TMEM59: variants seen among roughly 807,000 people sequenced by gnomAD.
TMEM59 encodes the protein dendritic cell factor 1.
TMEM59 carries 44 observed loss-of-function variants against 42.2 expected under a neutral mutation model. The ratio of observed to expected loss-of-function variants is 1.04; its 90% CI spans 0.82 to 1.34. The LOEUF (loss-of-function observed/expected upper bound fraction) is 1.34, where lower values mean the gene tolerates loss of function less well. Among genes scored for constraint, TMEM59 ranks in the 40% most tolerant of loss-of-function variants. TMEM59 has a pLI of 0.00. For synonymous variants in TMEM59, 148 were observed against 145.8 expected (o/e 1.02, Z -0.11); for missense variants, 359 against 382.8 (o/e 0.94, Z 0.52).
At chr1:54,046,598 G>A (rs998737374) in intron 2 of TMEM59, among the ~76,000 whole-genome samples, 6 of 152,142 alleles carry the variant, frequency 3.9e-5, no homozygotes, top group African/African-American at 1.4e-4. Flanking sequence ...AGACTAAGCC[G>A]CAAAAATACG....
rs777537013 is a variant in TMEM59 at position 54,032,182 on chromosome 1, TAGGTAG to T, written c.934_939del (p.Leu312_Pro313del). On this transcript the variant is annotated inframe_deletion, in exon 8 of 8. Coordinates refer to ENST00000234831, the MANE Select transcript of TMEM59 (RefSeq NM_004872.5). ...TCAGAATGAGCAAGATTCACTTTTG[TAGGTAG>T]AGGCCCTGCTTCTTCATGATCTTCA... 6.2e-7 allele frequency: 1 copy of T among 1,611,516 alleles called. No individual in the cohort carries two copies. Among genetic ancestry groups the T allele is most frequent in the African/African-American group, 1.3e-5 (1 of 74,824 alleles).
chr1:54,053,386 T>A (rs942959964), upstream of TMEM59: 1 of 630,328 alleles, frequency 1.6e-6, no homozygotes, highest in African/African-American at 1.8e-5. Flanking sequence ...TCTCCTAGGC[T>A]GGCGTGAGGA....
intron 4 of TMEM59, among the ~76,000 whole-genome samples, chr1:54,043,025 T>C (rs1352889341): frequency 6.6e-6 from 1 of 152,224 alleles, no homozygotes; most frequent in Non-Finnish European, 1.5e-5. Context: ...TTTTATCTGA[T>C]ATCCATATGT....
chr1:54,041,866 G>T, intron 4 of TMEM59, 61 bp from the exon 5 acceptor site: 1 of 1,308,726 alleles, frequency 7.6e-7, no homozygotes, highest in Non-Finnish European at 1.1e-6. Context: ...TCAGTAACAA[G>T]TTCTAAAACA....
At chr1:54,045,066 A>C (rs1657283892) in intron 3 of TMEM59, 1 of 152,202 alleles carries the variant, frequency 6.6e-6, no homozygotes. Context: ...AAAATTAAGA[A>C]ACTTTTCCCA....
chr1:54,053,264 C>G (rs1557683230), upstream of TMEM59: 2 of 1,538,696 alleles, frequency 1.3e-6, no homozygotes, highest in East Asian at 2.3e-5. Flanking sequence ...CTGGGGCCAG[C>G]CCCCTTCTCC....
Position 54,031,883 on chromosome 1 carries a change from A to G in TMEM59, c.*267T>C. 1 of 264,290 alleles carries G rather than the reference A, an allele frequency of 3.8e-6. No homozygotes were observed. Among genetic ancestry groups the G allele is most frequent in the Non-Finnish European group, 7.1e-6 (1 of 140,742 alleles). 16.4% of individuals were successfully genotyped at this position (264,290 alleles called of 1,614,324 possible). The stretch of plus-strand genomic sequence containing the variant: ...CAATGATCAGCTCATAGCTAAGAAA[A>G]GGGAAAAAAACAATAACCAAAGCAA... On this transcript the variant is annotated 3_prime_UTR_variant, in exon 8 of 8. Coordinates refer to ENST00000234831, the MANE Select transcript of TMEM59 (RefSeq NM_004872.5).
At chr1:54,052,593 G>A (rs1406644419) in intron 1 of TMEM59, among the ~76,000 whole-genome samples, 2 of 152,084 alleles carry the variant, frequency 1.3e-5, no homozygotes, top group Non-Finnish European at 2.9e-5. Context: ...GTAAACAAGG[G>A]TTATCAATCA....
Position 54,053,041 on chromosome 1 carries a change from G to C in TMEM59, c.148C>G (p.Arg50Gly). Residue 50 changes from arginine to glycine, a missense_variant, in exon 1 of 8, where the codon CGG becomes GGG. Coordinates refer to ENST00000234831, the MANE Select transcript of TMEM59 (RefSeq NM_004872.5). ...AAGGGGTAGGTCAACTGACAGGCCC[G>C]GTGGCAAGACGCCGTATCACCCAAG... ...SVLGDTASCH[R>G]ACQLTYPLHT... is the part of the protein sequence containing the mutation. 6.2e-7 allele frequency: 1 copy of C among 1,614,150 alleles called. No individual in the cohort carries two copies. Among genetic ancestry groups the C allele is most frequent in the East Asian group, 2.2e-5 (1 of 44,878 alleles).
At chr1:54,051,168 G>A (rs531479327) in intron 1 of TMEM59, among the ~76,000 whole-genome samples, 1 of 152,262 alleles carries the variant, frequency 6.6e-6, no homozygotes, top group African/African-American at 2.4e-5. Context: ...TATGTTTAAT[G>A]CAAGTTTATT....
Position 54,032,220 on chromosome 1 carries a change from G to C in TMEM59, c.902C>G (p.Ser301Cys), listed in dbSNP as rs1016736621. The change falls in exon 8 of 8, where the codon TCT (serine) becomes TGT (cysteine). Residue 301 changes from serine to cysteine, a missense_variant. Ser to Cys is a moderately radical substitution (Grantham distance 112). Coordinates refer to ENST00000234831, the MANE Select transcript of TMEM59 (RefSeq NM_004872.5). The stretch of plus-strand genomic sequence containing the variant: ...TGCTTCTTCATGATCTTCAGTTTTA[G>C]ATCTAACAACCACAAGAGAAGAAGC... ...YPASSLVVVR[S>C]KTEDHEEAGP... 1.2e-6 allele frequency: 2 copies of C among 1,613,158 alleles called. No individual in the cohort carries two copies. The highest frequency in any genetic ancestry group is 1.7e-6 in the Non-Finnish European group (2 of 1,179,620).
chr1:54,048,673 T>C (rs961877248), intron 1 of TMEM59: 5 of 457,202 alleles, frequency 1.1e-5, no homozygotes, highest in Non-Finnish European at 1.8e-5. Context: ...GTGTACAAAC[T>C]GGCAGACACC....
Position 54,053,101 on chromosome 1 carries a change from A to G in TMEM59, c.88T>C (p.Ser30Pro), listed in dbSNP as rs1327818529. 10 of 1,614,080 alleles carry G rather than the reference A, an allele frequency of 6.2e-6. No individual in the cohort carries two copies. The Admixed American group carries it at 1.7e-4, about 27-fold the overall frequency. ...AATGCTTCAGCCGAAGCGGTCCCCG[A>G]ACCTCCGGCCAAGGCCATGGTCAGC... ...LLLTMALAGG[S>P]GTASAEAFDS... The change falls in exon 1 of 8, where the codon TCG becomes CCG. Residue 30 changes from serine to proline, a missense_variant. Ser to Pro is a moderately conservative substitution (Grantham distance 74). Transcript: ENST00000234831.
At chr1:54,040,716 G>T in intron 6 of TMEM59, 40 bp downstream of exon 6, 1 of 1,481,556 alleles carries the variant, frequency 6.7e-7, no homozygotes, top group South Asian at 1.2e-5. Context: ...ATACAAGCCA[G>T]ATTTTATCTG....
In TMEM59 at chr1:54,040,790, C is replaced by A; in HGVS notation, c.673G>T (p.Gly225Ter). Residue 225 changes from glycine (G) to a stop codon, truncating the protein, a stop_gained, in exon 6 of 8, where the codon GGA becomes TGA. Transcript: ENST00000234831. LOFTEE classifies it high-confidence loss of function. ...CATCTTAAAAAGCCATCACTTTCTCCATCTTCAAGAAAATTCCTGTGCGCT... is the reference window on the plus strand; with the variant it reads ...CATCTTAAAAAGCCATCACTTTCTCAATCTTCAAGAAAATTCCTGTGCGCT... ...SQAHRNFLEDGESDGFLRCLS... is the reference protein window; with the variant it reads ...SQAHRNFLED 6.2e-7 allele frequency: 1 copy of A among 1,613,824 alleles called. No individual in the cohort carries two copies. The highest frequency in any genetic ancestry group is 8.5e-7 in the Non-Finnish European group (1 of 1,179,858).
chr1:54,037,624 T>TA (rs1656995174), intron 6 of TMEM59, among the ~76,000 whole-genome samples: 1 of 152,240 alleles, frequency 6.6e-6, no homozygotes. Context: ...CACTGCCTAG[T>TA]AAGAGATCTA....
intron 3 of TMEM59, chr1:54,044,652 T>C (rs1442542807): frequency 7.3e-5 from 11 of 151,068 alleles, no homozygotes; most frequent in Non-Finnish European, 2.9e-5. Context: ...AACATAAAAA[T>C]AAAAAATGCA....
chr1:54,031,931 T>C lies in TMEM59; in HGVS notation c.*219A>G. ...CAAAAAACAAAATAGCTACAGATAT[T>C]AGTAAAATAATAATACAATCCCAAA... is the stretch of plus-strand genomic sequence containing the variant. On this transcript the variant is annotated 3_prime_UTR_variant, in exon 8 of 8. Transcript: ENST00000234831. 1 of 399,052 alleles carries C rather than the reference T, an allele frequency of 2.5e-6. No individual in the cohort carries two copies. The allele number at this position is 399,052 out of a possible 1,614,324, so 24.7% of individuals were successfully genotyped here. A position where few individuals can be genotyped will look rare whatever the true frequency, so the allele number is the denominator to read the frequency against.
rs1656746627 is a variant in TMEM59, at chr1:54,030,917, T to C, written c.*1233A>G. 1 of 152,088 alleles carries C rather than the reference T, an allele frequency of 6.6e-6. No homozygotes were observed. The highest frequency in any genetic ancestry group is 1.5e-5 in the Non-Finnish European group (1 of 68,018). 9.4% of individuals were successfully genotyped at this position (152,088 alleles called of 1,614,324 possible). ...CTGAGGAAAGTATTGTTTTACAAAG[T>C]TTTTAATATTTTATGGCATAATAAC... is the stretch of plus-strand genomic sequence containing the variant. On this transcript the variant is annotated 3_prime_UTR_variant, in exon 8 of 8. Transcript: ENST00000234831.
Sources: allele counts gnomAD v4.1 joint callset (sites outside exome capture counted in the v4.1 genomes callset), GRCh38; gene constraint gnomAD v4.1.1; transcripts MANE v1.5; gene names NCBI Gene and HGNC (gene_info 2026-07-23, HGNC 2026-07-21).